Variants in RAB27B observed in about 807,000 individuals in gnomAD.
The protein encoded by RAB27B is ras-related protein Rab-27B.
Under a neutral mutation model 24.6 loss-of-function variants are expected in RAB27B, and 15 were observed. The ratio of observed to expected loss-of-function variants is 0.61; its 90% CI spans 0.41 to 0.94. RAB27B has a LOEUF of 0.94. Among genes scored for constraint, RAB27B ranks in the 40% least tolerant of loss-of-function variants. The pLI is 0.00. For synonymous variants in RAB27B, 105 were observed against 92.5 expected, an observed-to-expected ratio of 1.14 and a Z score of -0.78; for missense variants, 261 against 266.8, an observed-to-expected ratio of 0.98 and a Z score of 0.15.
At chr18:54,730,582 C>T (rs189832832) in intron 2 of RAB27B, among the ~76,000 whole-genome samples, 1 of 151,866 alleles carries the variant, frequency 6.6e-6, no homozygotes, top group Non-Finnish European at 1.5e-5. Context: ...GTGTTTGGGT[C>T]ACGGGGGTTG....
At chr18:54,736,812 C>G (rs181471702) in intron 2 of RAB27B, among the ~76,000 whole-genome samples, 16 of 152,128 alleles carry the variant, frequency 1.1e-4, no homozygotes, top group Non-Finnish European at 2.9e-5. Flanking sequence ...ATAGCATAAG[C>G]GTTTGAGTTT....
intron 2 of RAB27B, among the ~76,000 whole-genome samples, chr18:54,754,265 G>C (rs1907932672): frequency 6.6e-6 from 1 of 152,086 alleles, no homozygotes. Flanking sequence ...CGTGAAGAAG[G>C]TCCTTGCTTC....
chr18:54,890,739 G>A lies in RAB27B; in HGVS notation c.*1326G>A, dbSNP rs1913332899. ...CCTATAGTTGAGCTGTATTTTGGGG[G>A]ATTGGGTGAGGAAGGACTTCTGATC... is the stretch of plus-strand genomic sequence containing the variant. On this transcript the variant is annotated 3_prime_UTR_variant, in exon 6 of 6. Transcript: ENST00000262094. The A allele has an allele frequency of 1.1e-5, 1 of 87,510 alleles. No homozygotes were observed. The highest frequency in any genetic ancestry group is 1.4e-4 in the Admixed American group (1 of 6,954). The allele number at this position is 87,510 out of a possible 1,614,324, so 5.4% of individuals were successfully genotyped here. A position where few individuals can be genotyped will look rare whatever the true frequency, so the allele number is the denominator to read the frequency against.
chr18:54,772,936 A>G (rs755506535), intron 2 of RAB27B, among the ~76,000 whole-genome samples: 2 of 152,148 alleles, frequency 1.3e-5, no homozygotes, highest in Non-Finnish European at 1.5e-5. Flanking sequence ...TTCAGAATTT[A>G]ATTCGGTGCT....
At chr18:54,793,607 T>C (rs548957728) in intron 2 of RAB27B, among the ~76,000 whole-genome samples, 1 of 152,368 alleles carries the variant, frequency 6.6e-6, no homozygotes, top group African/African-American at 2.4e-5. Context: ...TATTGTGTTA[T>C]GTTTGAAATA....
chr18:54,859,839 C>T (rs2012194), intron 1 of RAB27B, among the ~76,000 whole-genome samples: 136,365 of 152,252 alleles, frequency 0.9, 61,430 homozygotes, highest in Non-Finnish European at 0.95. Context: ...CTGTAATTAG[C>T]CATTGTTGAC....
chr18:54,782,160 C>T (rs1053418224), intron 2 of RAB27B, among the ~76,000 whole-genome samples: 2 of 152,220 alleles, frequency 1.3e-5, no homozygotes, highest in Admixed American at 6.5e-5. Context: ...TGTTGGAATT[C>T]ATTATTCTAA....
intron 2 of RAB27B, among the ~76,000 whole-genome samples, chr18:54,753,165 T>C (rs2145035885): frequency 6.6e-6 from 1 of 152,274 alleles, no homozygotes; most frequent in Middle Eastern, 3.4e-3. Flanking sequence ...ATGTGAGATA[T>C]TAAATACATT....
intron 2 of RAB27B, among the ~76,000 whole-genome samples, chr18:54,731,782 A>G (rs552140422): frequency 2.0e-5 from 3 of 152,354 alleles, no homozygotes; most frequent in African/African-American, 7.2e-5. Context: ...ACACAAAGCA[A>G]GTCTTAACAA....
At chr18:54,733,657 C>CA (rs1568045948) in intron 2 of RAB27B, among the ~76,000 whole-genome samples, 4 of 135,990 alleles carry the variant, frequency 2.9e-5, no homozygotes, top group African/African-American at 1.1e-4. Context: ...AGAGCCCCCC[C>CA]CCCCCAAATT....
rs11326053 is a variant in RAB27B, at chr18:54,736,471, T to TA, written c.-20+18340dup. 1.7e-3 allele frequency among the ~76,000 whole-genome samples: 254 copies of TA among 148,074 alleles called. 2 individuals carry two copies. The highest frequency in any genetic ancestry group is 3.7e-3 in the Admixed American group (55 of 14,758). On this transcript the variant is annotated intron_variant, in intron 2 of 4. Coordinates refer to the RAB27B transcript ENST00000586570. ...TATTGTTGTAAATTTCTTCATTTAG[T>TA]AAAAAAAAAAGGCTATTAATAGCTA...
In RAB27B at chr18:54,760,363, A is replaced by G. The variant is rs138808514; in HGVS notation, c.-20+42222A>G. 1.2e-4 allele frequency among the ~76,000 whole-genome samples: 19 copies of G among 152,270 alleles called. No homozygotes were observed. In the East Asian group the frequency reaches 3.7e-3, roughly 29 times the overall value. On this transcript the variant is annotated intron_variant, in intron 2 of 4. Coordinates refer to the RAB27B transcript ENST00000586570. ...CTAGGAATGCTGAGTGAAATATACT[A>G]CATATCTAGGTAGAGGATGTAGGGG...
chr18:54,750,981 A>G (rs1163537703), intron 2 of RAB27B, among the ~76,000 whole-genome samples: 1 of 152,134 alleles, frequency 6.6e-6, no homozygotes, highest in East Asian at 1.9e-4. Flanking sequence ...CTAGGCAGAG[A>G]GTAGAAAGTT....
intron 2 of RAB27B, among the ~76,000 whole-genome samples, chr18:54,770,123 G>C (rs569569480): frequency 1.3e-5 from 2 of 152,124 alleles, no homozygotes; most frequent in African/African-American, 4.8e-5. Flanking sequence ...GGAATTACAC[G>C]TGTGAGCCAC....
chr18:54,813,550 C>T (rs1289051671), intron 2 of RAB27B, among the ~76,000 whole-genome samples: 3 of 152,146 alleles, frequency 2.0e-5, no homozygotes, highest in African/African-American at 4.8e-5. Context: ...TCTTGCTTCC[C>T]CTCTCACCAT....
At chr18:54,810,104 C>T (rs974895206) in intron 2 of RAB27B, among the ~76,000 whole-genome samples, 1 of 152,066 alleles carries the variant, frequency 6.6e-6, no homozygotes, top group Non-Finnish European at 1.5e-5. Context: ...AGAACAAGTG[C>T]CTAGAATGTA....
chr18:54,820,901 AG>A (rs35433668), intron 2 of RAB27B, among the ~76,000 whole-genome samples: 34,771 of 151,996 alleles, frequency 0.23, 4,210 homozygotes, highest in East Asian at 0.39. Context: ...TGGTTTTGTC[AG>A]GTTTGTCAAA....
Position 54,779,772 on chromosome 18 carries a change from G to A in RAB27B, c.-20+61631G>A, listed in dbSNP as rs565911696. Among the ~76,000 whole-genome samples the A allele has an allele frequency of 8.5e-5, 13 of 152,252 alleles. No individual in the cohort carries two copies. In the East Asian group the frequency reaches 2.1e-3, roughly 25 times the overall value. Reference sequence around the variant, plus strand: ...TTCCGTAATGAAATACTACAGATGGGTGACTTAAACAGCAGATATTTACTT... The same window carrying A: ...TTCCGTAATGAAATACTACAGATGGATGACTTAAACAGCAGATATTTACTT... On this transcript the variant is annotated intron_variant, in intron 2 of 4. Transcript: ENST00000586570.
At chr18:54,886,397 A>T (rs7238412) in intron 4 of RAB27B, among the ~76,000 whole-genome samples, 20,622 of 152,084 alleles carry the variant, frequency 0.14, 1,965 homozygotes, top group African/African-American at 0.26. Flanking sequence ...CTCAAAATAG[A>T]TATATTTCTT....
Sources: gnomAD v4.1 joint callset for allele counts (sites outside exome capture counted in the v4.1 genomes callset) on GRCh38, gnomAD v4.1.1 for gene constraint, MANE v1.5 for transcripts, NCBI Gene and HGNC (gene_info 2026-07-23, HGNC 2026-07-21) for gene names.